IL1RAPL1: variants seen among roughly 807,000 people sequenced by gnomAD.
IL1RAPL1 encodes interleukin 1 receptor accessory protein like 1, also known as interleukin-1 receptor accessory protein-like 1.
Under a neutral mutation model 48.4 loss-of-function variants are expected in IL1RAPL1, and 3 were observed. The observed-to-expected ratio is 0.06, with a 90% CI of 0.03 to 0.16. IL1RAPL1 has a LOEUF of 0.16. Ranked by LOEUF, IL1RAPL1 falls within the 10% of genes least tolerant of loss-of-function variation. The probability of loss-of-function intolerance (pLI) is 1.00; values close to 1 mark genes in which losing one functional copy is unlikely to be tolerated. For synonymous variants in IL1RAPL1, 185 were observed against 187.7 expected (o/e 0.99, Z 0.12); for missense variants, 349 against 530.6 (o/e 0.66, Z 3.36).
intron 5 of IL1RAPL1, among the ~76,000 whole-genome samples, chrX:29,458,460 A>G (rs76698162): frequency 3.4e-5 from 1 of 29,306 alleles, no homozygotes; most frequent in African/African-American, 2.2e-4. Context: ...CTACTCCTTG[A>G]CTGCCCAGTC....
At chrX:29,676,170 A>C (rs1411318682) in intron 6 of IL1RAPL1, among the ~76,000 whole-genome samples, 2 of 111,917 alleles carry the variant, frequency 1.8e-5, no homozygotes, top group Non-Finnish European at 3.8e-5. Flanking sequence ...AAAAGGTACC[A>C]AGATAGTACT....
At chrX:28,728,207 A>G (rs781764436) in intron 1 of IL1RAPL1, among the ~76,000 whole-genome samples, 11 of 112,324 alleles carry the variant, frequency 9.8e-5, no homozygotes, top group African/African-American at 3.5e-4. Flanking sequence ...GTTGAATACT[A>G]TACTATGTAT....
chrX:29,560,597 T>A (rs1569338861), intron 5 of IL1RAPL1, among the ~76,000 whole-genome samples: 1 of 111,990 alleles, frequency 8.9e-6, no homozygotes, highest in Non-Finnish European at 1.9e-5. Flanking sequence ...ACTGTGTAAT[T>A]TCAAATAATC....
At chrX:29,275,903 AT>A (rs1454728015) in intron 2 of IL1RAPL1, among the ~76,000 whole-genome samples, 1 of 112,516 alleles carries the variant, frequency 8.9e-6, no homozygotes, top group African/African-American at 3.2e-5. Context: ...AAAACAATCC[AT>A]TAGTCCATTT....
chrX:29,612,628 T>G (rs1924131248), intron 5 of IL1RAPL1, among the ~76,000 whole-genome samples: 1 of 111,557 alleles, frequency 9.0e-6, no homozygotes, highest in Non-Finnish European at 1.9e-5. Flanking sequence ...CCCACCCATC[T>G]CCCTTCTGTA....
At chrX:29,178,386 T>C (rs960793715) in intron 2 of IL1RAPL1, among the ~76,000 whole-genome samples, 1 of 112,488 alleles carries the variant, frequency 8.9e-6, no homozygotes, top group Admixed American at 9.4e-5. Context: ...GCTGCATAAA[T>C]GTCTTCTTTT....
At chrX:29,889,144 G>T (rs1445058445) in intron 6 of IL1RAPL1, among the ~76,000 whole-genome samples, 3 of 111,669 alleles carry the variant, frequency 2.7e-5, no homozygotes, top group Non-Finnish European at 5.7e-5. Flanking sequence ...ATAGGTTCAT[G>T]TTTTTTTGTG....
intron 3 of IL1RAPL1, among the ~76,000 whole-genome samples, chrX:29,321,247 G>A (rs772976006): frequency 9.0e-6 from 1 of 111,665 alleles, no homozygotes; most frequent in African/African-American, 3.3e-5. Context: ...TTTCTAAAAG[G>A]TAGAGAGAGA....
intron 5 of IL1RAPL1, among the ~76,000 whole-genome samples, chrX:29,619,714 A>G (rs1924400954): frequency 8.9e-6 from 1 of 111,883 alleles, no homozygotes; most frequent in African/African-American, 3.2e-5. Context: ...ATTTCATTCA[A>G]TACCTTCCAG....
At chrX:29,095,833 T>C (rs1928202755) in intron 2 of IL1RAPL1, among the ~76,000 whole-genome samples, 1 of 110,047 alleles carries the variant, frequency 9.1e-6, no homozygotes, top group African/African-American at 3.3e-5. Flanking sequence ...TTAAGGGCCA[T>C]GTGTTGTATT....
intron 2 of IL1RAPL1, among the ~76,000 whole-genome samples, chrX:28,959,663 T>G (rs1056386012): frequency 4.4e-5 from 5 of 112,365 alleles, no homozygotes; most frequent in African/African-American, 1.6e-4. Context: ...TCTTACTGAT[T>G]TGTAAGATGT....
chrX:29,655,872 GCACACCCCAAACCA>G (rs1218928500), intron 5 of IL1RAPL1, among the ~76,000 whole-genome samples: 1 of 110,658 alleles, frequency 9.0e-6, no homozygotes, highest in Non-Finnish European at 1.9e-5. Flanking sequence ...TTTCCCTACT[GCACACCCCAAACCA>G]CACACCCCAA....
At chrX:28,860,751 C>T (rs1921922996) in intron 2 of IL1RAPL1, among the ~76,000 whole-genome samples, 1 of 111,388 alleles carries the variant, frequency 9.0e-6, no homozygotes, top group African/African-American at 3.3e-5. Context: ...CATGAGCCAC[C>T]GCACTGCGCC....
At chrX:28,659,264 C>T in intron 1 of IL1RAPL1, 1 of 583,889 alleles carries the variant, frequency 1.7e-6, no homozygotes, top group Non-Finnish European at 3.0e-6. Context: ...TTGCACCAAA[C>T]GCTGGACGGG....
At chrX:28,769,193 AT>A (rs1936284806) in intron 1 of IL1RAPL1, among the ~76,000 whole-genome samples, 1 of 109,582 alleles carries the variant, frequency 9.1e-6, no homozygotes, top group Non-Finnish European at 1.9e-5. Context: ...ATGAGATTAT[AT>A]GGGAAAAAGC....
intron 2 of IL1RAPL1, among the ~76,000 whole-genome samples, chrX:29,139,777 T>C (rs1457710710): frequency 1.8e-5 from 2 of 111,304 alleles, no homozygotes; most frequent in African/African-American, 6.5e-5. Flanking sequence ...TTGAGTATAA[T>C]TTGAAAAAAT....
chrX:29,381,658 TA>T (rs1396683772), intron 3 of IL1RAPL1, among the ~76,000 whole-genome samples: 3 of 102,756 alleles, frequency 2.9e-5, no homozygotes, highest in Non-Finnish European at 5.9e-5. Context: ...CTACAGAAAG[TA>T]AAAAAACTTA....
rs773640163 is a variant in IL1RAPL1 at position 29,239,349 on chromosome X, A to G, written c.83-43589A>G. 3.6e-5 allele frequency among the ~76,000 whole-genome samples: 4 copies of G among 112,671 alleles called. No individual in the cohort carries two copies. The South Asian group carries it at 1.4e-3, about 41-fold the overall frequency. On this transcript the variant is annotated intron_variant, in intron 2 of 10. Transcript: ENST00000378993. ...ACTAAATTACATTATTTTTAAAAATATGATATTTTTTAAATGGAGATCTTT... is the reference window on the plus strand; with the variant it reads ...ACTAAATTACATTATTTTTAAAAATGTGATATTTTTTAAATGGAGATCTTT...
chrX:29,007,280 A>G, intron 2 of IL1RAPL1, among the ~76,000 whole-genome samples: 1 of 111,955 alleles, frequency 8.9e-6, no homozygotes. Flanking sequence ...TTAGAGTCAC[A>G]TACACGTTAT....
Sources: gnomAD v4.1 joint callset for allele counts (sites outside exome capture counted in the v4.1 genomes callset) on GRCh38, gnomAD v4.1.1 for gene constraint, MANE v1.5 for transcripts, NCBI Gene and HGNC (gene_info 2026-07-23, HGNC 2026-07-21) for gene names.